ZNF318: variants seen among roughly 807,000 people sequenced by gnomAD.
ZNF318 encodes the protein endocrine regulator.
A neutral mutation model predicts 124.2 loss-of-function variants in ZNF318; 51 were observed. The observed-to-expected ratio is 0.41, with a 90% confidence interval of 0.33 to 0.52. ZNF318 has a LOEUF of 0.52. Among genes scored for constraint, ZNF318 ranks in the 20% least tolerant of loss-of-function variants. ZNF318 has a pLI of 0.23. For synonymous variants in ZNF318, 1,090 were observed against 1,040.7 expected (o/e 1.05, Z -0.91); for missense variants, 2,815 against 2,811.2 (o/e 1.00, Z -0.03).
chr6:43,355,009 A>G lies in ZNF318; in HGVS notation c.2325T>C (p.Pro775=), dbSNP rs1779583913. ...GAATGGCAGGTCCCTGGTAGTTCGG[A>G]GGTATCCGAGCTGCAGCAAACTGAG... The part of the protein sequence containing the change: ...RASQFAAARI[P]PNYQGPAIPP... The change falls in exon 4 of 10, where the codon CCT becomes CCC. Residue 775 remains proline, a synonymous_variant. Coordinates refer to ENST00000361428, the MANE Select transcript of ZNF318 (RefSeq NM_014345.3). The G allele has an allele frequency of 3.7e-6, 6 of 1,612,222 alleles. No individual in the cohort carries two copies. Among genetic ancestry groups the G allele is most frequent in the African/African-American group, 1.3e-5 (1 of 75,008 alleles).
chr6:43,361,579 AT>A (rs1325733198), intron 2 of ZNF318, among the ~76,000 whole-genome samples: 2 of 151,956 alleles, frequency 1.3e-5, no homozygotes, highest in Non-Finnish European at 2.9e-5. Flanking sequence ...AAAGTTAATA[AT>A]TTTTTTTAAA....
intron 2 of ZNF318, 49 bp downstream of exon 2, chr6:43,365,243 T>TCTGCCTTCAAGTACTAGTATAGTAGGCC: frequency 6.4e-7 from 1 of 1,566,450 alleles, no homozygotes; most frequent in Non-Finnish European, 8.7e-7. Flanking sequence ...CAGCAACATT[T>TCTGCCTTCAAGTACTAGTATAGTAGGCC]CTGCCTTCAA....
Position 43,357,473 on chromosome 6 carries a change from T to G in ZNF318, c.841A>C (p.Lys281Gln). The change falls in exon 3 of 10, where the codon AAG becomes CAG. Residue 281 changes from lysine (K) to glutamine (Q), a missense_variant. Coordinates refer to ENST00000361428, the MANE Select transcript of ZNF318 (RefSeq NM_014345.3). ...TGATCCCCTCCCATGCTGTTTATCT[T>G]CACTGTGTCATCATAACGGGGTCTT... ...AKRPRYDDTV[K>Q]INSMGGDHPS... 6.2e-7 allele frequency: 1 copy of G among 1,614,232 alleles called. No homozygotes were observed. Among genetic ancestry groups the G allele is most frequent in the Non-Finnish European group, 8.5e-7 (1 of 1,180,040 alleles).
intron 6 of ZNF318, among the ~76,000 whole-genome samples, chr6:43,346,082 C>T (rs553078858): frequency 2.7e-5 from 4 of 146,238 alleles, no homozygotes; most frequent in Non-Finnish European, 4.5e-5. Flanking sequence ...ACGCCTGTAA[C>T]TCCAGCTACT....
At chr6:43,343,323 G>C (rs1325371174) in intron 6 of ZNF318, among the ~76,000 whole-genome samples, 9 of 152,064 alleles carry the variant, frequency 5.9e-5, no homozygotes, top group African/African-American at 2.2e-4. Flanking sequence ...ATATGGAAAA[G>C]GTAATTGACA....
At position 43,356,905 on chromosome 6, in the gene ZNF318, CTATT is replaced by C. The variant is rs1179627505; in HGVS notation, c.1188+217_1188+220del. On this transcript the variant is annotated intron_variant, in intron 3 of 9. Coordinates refer to ENST00000361428, the MANE Select transcript of ZNF318 (RefSeq NM_014345.3). ...AAACTTACAGTACTCTCCAAAATAT[CTATT>C]TATTAATATAAAGCCTAATATACAG... Among the ~76,000 whole-genome samples the C allele has an allele frequency of 6.6e-5, 10 of 152,226 alleles. No homozygotes were observed. In the South Asian group the frequency reaches 2.1e-3, roughly 32 times the overall value.
Position 43,354,872 on chromosome 6 carries a change from A to G in ZNF318, c.2462T>C (p.Ile821Thr). 6.2e-7 allele frequency: 1 copy of G among 1,614,178 alleles called. No homozygotes were observed. The change falls in exon 4 of 10, where the codon ATA (isoleucine) becomes ACA (threonine). Residue 821 changes from isoleucine (I) to threonine (T), a missense_variant. Ile to Thr is a moderately conservative substitution (Grantham distance 89). Around this residue, in one of 4 missense-constraint regions of ZNF318, gnomAD observed 1,377 missense variants for 1,353.5 expected, o/e 1.02. Coordinates refer to ENST00000361428, the MANE Select transcript of ZNF318 (RefSeq NM_014345.3). ...SNHPVPEPHRIMPITKQATRS... is the reference protein window; with the variant it reads ...SNHPVPEPHRTMPITKQATRS... ...AGTAGCTTGTTTGGTTATTGGCATT[A>G]TCCTGTGTGGTTCAGGTACAGGGTG...
At chr6:43,341,040 A>G (rs1487394462) in intron 8 of ZNF318, 132 bp from the exon 9 acceptor site, 1 of 672,418 alleles carries the variant, frequency 1.5e-6, no homozygotes, top group African/African-American at 1.8e-5. Flanking sequence ...TTGAAGTCAG[A>G]AGCAGTATTT....
At position 43,340,273 on chromosome 6, in the gene ZNF318, T is replaced by C. The variant is rs1779354322; in HGVS notation, c.3725A>G (p.Asn1242Ser). Residue 1242 changes from asparagine (N) to serine (S), a missense_variant, in exon 10 of 10, where the codon AAC becomes AGC. Around this residue, in one of 4 missense-constraint regions of ZNF318, gnomAD observed 500 missense variants for 605.2 expected, o/e 0.83. Coordinates refer to ENST00000361428, the MANE Select transcript of ZNF318 (RefSeq NM_014345.3). The stretch of plus-strand genomic sequence containing the variant: ...TTTATTTTCAGCTTTTTCAGGGGAG[T>C]TCCTACCCTCAGAGAGTTGGTCTTC... Reference protein sequence around the residue: ...KLEDQLSEGRNSPEKAENKRN... With the variant: ...KLEDQLSEGRSSPEKAENKRN... 6.2e-7 allele frequency: 1 copy of C among 1,613,972 alleles called. No homozygotes were observed. The highest frequency in any genetic ancestry group is 2.2e-5 in the East Asian group (1 of 44,884).
intron 6 of ZNF318, among the ~76,000 whole-genome samples, chr6:43,346,062 G>C (rs6458333): frequency 0.88 from 132,828 of 151,344 alleles, 58,473 homozygotes; most frequent in East Asian, 1. Context: ...TTAGCTGGGT[G>C]TGGTGGCACA....
chr6:43,367,997 C>T (rs1779784082), intron 1 of ZNF318, among the ~76,000 whole-genome samples: 1 of 152,144 alleles, frequency 6.6e-6, no homozygotes, highest in Non-Finnish European at 1.5e-5. Flanking sequence ...TGCACTCCAG[C>T]CTGGGGAACA....
chr6:43,368,222 C>T (rs1050608021), intron 1 of ZNF318, among the ~76,000 whole-genome samples: 2 of 152,168 alleles, frequency 1.3e-5, no homozygotes, highest in African/African-American at 4.8e-5. Flanking sequence ...GGGAACCAGG[C>T]GGATCTGAGT....
intron 2 of ZNF318, chr6:43,364,303 T>C (rs1779730119): frequency 6.1e-6 from 2 of 327,370 alleles, no homozygotes; most frequent in Non-Finnish European, 1.1e-5. Context: ...AGGGTTTTTA[T>C]ACAAGAAATA....
At chr6:43,368,345 G>C (rs1035117449) in intron 1 of ZNF318, among the ~76,000 whole-genome samples, 1 of 152,164 alleles carries the variant, frequency 6.6e-6, no homozygotes, top group African/African-American at 2.4e-5. Context: ...TCACTTCAAA[G>C]ACTTGTGAGG....
intron 2 of ZNF318, among the ~76,000 whole-genome samples, 195 bp downstream of exon 2, chr6:43,365,097 C>T (rs546960110): frequency 6.6e-6 from 1 of 152,164 alleles, no homozygotes; most frequent in African/African-American, 2.4e-5. Context: ...ACAATTTATT[C>T]AACAACAGAG....
rs879888679 is a variant in ZNF318, at chr6:43,369,501, T to C, written c.-136A>G. 2 of 634,372 alleles carry C rather than the reference T, an allele frequency of 3.2e-6. No individual in the cohort carries two copies. The highest frequency in any genetic ancestry group is 2.0e-6 in the Non-Finnish European group (1 of 500,170). 39.3% of individuals were successfully genotyped at this position (634,372 alleles called of 1,614,324 possible). On this transcript the variant is annotated 5_prime_UTR_variant, in exon 1 of 10. Transcript: ENST00000361428. ...CGCCTCAGCCGCGGGAGCAGCCCCCTCCCCTCGGCCCCGCGTCGCCCCGGG... is the reference window on the plus strand; with the variant it reads ...CGCCTCAGCCGCGGGAGCAGCCCCCCCCCCTCGGCCCCGCGTCGCCCCGGG...
At position 43,340,003 on chromosome 6, in the gene ZNF318, T is replaced by G; in HGVS notation, c.3995A>C (p.His1332Pro). Reference protein sequence around the residue: ...IKLSGKTVVAHTSPWMPVVTT... With the variant: ...IKLSGKTVVAPTSPWMPVVTT... ...CACAACAGGCATCCAAGGGCTGGTA[T>G]GTGCAACAACAGTTTTCCCAGAGAG... is the stretch of plus-strand genomic sequence containing the variant. Residue 1332 changes from histidine (H) to proline (P), a missense_variant, in exon 10 of 10, where the codon CAT becomes CCT. This residue lies in a region of ZNF318 where 500 missense variants were observed against 605.2 expected (regional missense o/e 0.83). Coordinates refer to ENST00000361428, the MANE Select transcript of ZNF318 (RefSeq NM_014345.3). 1 of 1,614,254 alleles carries G rather than the reference T, an allele frequency of 6.2e-7. No individual in the cohort carries two copies. The highest frequency in any genetic ancestry group is 8.5e-7 in the Non-Finnish European group (1 of 1,180,046).
chr6:43,363,590 A>T, intron 2 of ZNF318: 1 of 359,580 alleles, frequency 2.8e-6, no homozygotes, highest in Non-Finnish European at 5.1e-6. Context: ...GCCAAGGATA[A>T]GGAGTGGATG....
chr6:43,342,879 C>G lies in ZNF318; in HGVS notation c.3073G>C (p.Glu1025Gln). The G allele has an allele frequency of 6.2e-7, 1 of 1,606,512 alleles. No homozygotes were observed. The highest frequency in any genetic ancestry group is 8.5e-7 in the Non-Finnish European group (1 of 1,174,958). Reference protein sequence around the residue: ...SSFSNSSSNKESKVNNEKFRT... With the variant: ...SSFSNSSSNKQSKVNNEKFRT... Reference sequence around the variant, plus strand: ...AACTTCTCATTGTTTACTTTTGATTCCTAGAGGGGAAAAATCTGTACTTAC... The same window carrying G: ...AACTTCTCATTGTTTACTTTTGATTGCTAGAGGGGAAAAATCTGTACTTAC... The change falls in exon 7 of 10, where the codon GAA becomes CAA. Residue 1025 changes from glutamate (E) to glutamine (Q), a missense_variant and splice_region_variant. Physicochemically the swap from Glu to Gln is conservative, Grantham distance 29. This residue lies in a region of ZNF318 where 1,377 missense variants were observed against 1,353.5 expected (regional missense o/e 1.02). Transcript: ENST00000361428.
Sources: gnomAD v4.1 joint callset for allele counts (sites outside exome capture counted in the v4.1 genomes callset) on GRCh38, gnomAD v4.1.1 for gene constraint, gnomAD v4.1.1 regional missense constraint, MANE v1.5 for transcripts, NCBI Gene and HGNC (gene_info 2026-07-23, HGNC 2026-07-21) for gene names.